EPHB2: variants seen among roughly 807,000 people sequenced by gnomAD.
EPHB2 encodes EPH receptor B2.
In EPHB2, 18 loss-of-function variants were observed where a neutral mutation model predicts 96.4. That is an observed-to-expected ratio of 0.19 (90% CI 0.13 to 0.28). EPHB2 has a LOEUF of 0.28. Among genes scored for constraint, EPHB2 ranks in the 10% least tolerant of loss-of-function variants. The probability of loss-of-function intolerance (pLI) is 1.00; values close to 1 mark genes in which losing one functional copy is unlikely to be tolerated. For synonymous variants in EPHB2, 506 were observed against 534.1 expected (o/e 0.95, Z 0.72); for missense variants, 989 against 1,355.4 (o/e 0.73, Z 4.25).
intron 3 of EPHB2, among the ~76,000 whole-genome samples, chr1:22,811,401 G>C (rs1040836526): frequency 1.3e-5 from 2 of 152,140 alleles, no homozygotes; most frequent in African/African-American, 4.8e-5. Flanking sequence ...CCATACTTAC[G>C]ATGTCCAGGC....
intron 1 of EPHB2, among the ~76,000 whole-genome samples, chr1:22,756,585 C>T (rs1264438877): frequency 2.0e-5 from 3 of 151,740 alleles, no homozygotes; most frequent in Non-Finnish European, 2.9e-5. Context: ...GGGGAAGTGG[C>T]GGGGGCAGCG....
chr1:22,741,516 T>C (rs1444613413), intron 1 of EPHB2, among the ~76,000 whole-genome samples: 1 of 151,968 alleles, frequency 6.6e-6, no homozygotes, highest in African/African-American at 2.4e-5. Flanking sequence ...CACTGCCTGA[T>C]GCATAGAATA....
intron 1 of EPHB2, among the ~76,000 whole-genome samples, chr1:22,743,092 A>G (rs566244612): frequency 5.3e-5 from 8 of 152,056 alleles, no homozygotes; most frequent in African/African-American, 1.7e-4. Flanking sequence ...GAGTCTCACT[A>G]TGTTGCCCAG....
At chr1:22,909,737 A>G (rs995093317) in intron 13 of EPHB2, among the ~76,000 whole-genome samples, 1 of 152,180 alleles carries the variant, frequency 6.6e-6, no homozygotes, top group Non-Finnish European at 1.5e-5. Flanking sequence ...AGGGATCTCC[A>G]TTAGCAAAAA....
chr1:22,851,288 G>A (rs913513795), intron 3 of EPHB2, among the ~76,000 whole-genome samples: 4 of 152,204 alleles, frequency 2.6e-5, no homozygotes, highest in Non-Finnish European at 4.4e-5. Flanking sequence ...GTGAGCCACC[G>A]TGCCCAGGCT....
chr1:22,913,841 G>A lies in EPHB2; in HGVS notation c.*271G>A, dbSNP rs867465635. On this transcript the variant is annotated 3_prime_UTR_variant, in exon 16 of 16. Coordinates refer to ENST00000374630, the MANE Select transcript of EPHB2 (RefSeq NM_017449.5). This position sits in a 1 kb window ranked among gnomAD's most constrained non-coding sequence, Gnocchi z 4.1. ...ATTTTTTAAAGAGGATTCTCATAAG[G>A]AAAGCAATGACTGTTCTTGCGGGGG... 1 of 1,609,948 alleles carries A rather than the reference G, an allele frequency of 6.2e-7. No individual in the cohort carries two copies. Among genetic ancestry groups the A allele is most frequent in the Admixed American group, 1.7e-5 (1 of 59,358 alleles).
chr1:22,809,497 T>C (rs1644974346), intron 3 of EPHB2, among the ~76,000 whole-genome samples: 1 of 152,250 alleles, frequency 6.6e-6, no homozygotes, highest in Non-Finnish European at 1.5e-5. Flanking sequence ...GTATATGTTA[T>C]ATACATACTC....
rs141173528 is a variant in EPHB2 at position 22,895,551 on chromosome 1, T to A, written c.1671T>A (p.Ala557=). Residue 557 remains alanine (A), a synonymous_variant, in exon 8 of 16, where the codon GCT becomes GCA. Transcript: ENST00000374630. ...CCGCTGGCCTGGTCTTCCTCATTGC[T>A]GTGGTTGTCATCGCCATCGTGTGTA... ...SSAAGLVFLI[A]VVVIAIVCNR... is the part of the protein sequence containing the mutation. 6.2e-7 allele frequency: 1 copy of A among 1,614,270 alleles called. No homozygotes were observed. The highest frequency in any genetic ancestry group is 1.1e-5 in the South Asian group (1 of 91,090).
intron 1 of EPHB2, among the ~76,000 whole-genome samples, chr1:22,760,915 C>T (rs1357180484): frequency 6.6e-6 from 1 of 152,122 alleles, no homozygotes; most frequent in Non-Finnish European, 1.5e-5. Flanking sequence ...CCCATTTTTC[C>T]AGATAAGGAA....
intron 12 of EPHB2, 108 bp downstream of exon 12, chr1:22,908,276 T>G (rs1350810658): frequency 7.5e-7 from 1 of 1,328,526 alleles, no homozygotes; most frequent in East Asian, 2.5e-5. Context: ...GGCCAAGCAC[T>G]GTCCTGGGCC....
chr1:22,800,871 T>G (rs1307077790), intron 3 of EPHB2, among the ~76,000 whole-genome samples: 1 of 152,146 alleles, frequency 6.6e-6, no homozygotes, highest in Non-Finnish European at 1.5e-5. Flanking sequence ...CCCTTTGAGG[T>G]CCTATTCATG....
intron 6 of EPHB2, among the ~76,000 whole-genome samples, chr1:22,888,867 G>A (rs943245028): frequency 1.3e-5 from 2 of 152,288 alleles, no homozygotes; most frequent in African/African-American, 4.8e-5. Context: ...ATATGAAGCA[G>A]CTTCCAGCTG....
At chr1:22,903,716 C>T (rs899558241) in intron 9 of EPHB2, among the ~76,000 whole-genome samples, 5 of 152,176 alleles carry the variant, frequency 3.3e-5, no homozygotes, top group Non-Finnish European at 7.3e-5. Context: ...GCACAAAGGG[C>T]TCAGTAAGTG....
intron 1 of EPHB2, among the ~76,000 whole-genome samples, chr1:22,719,254 T>C (rs114185788): frequency 1.8e-3 from 278 of 152,186 alleles, no homozygotes; most frequent in African/African-American, 5.9e-3. Flanking sequence ...GGGGCCCACT[T>C]TAGAGATGAG....
At chr1:22,883,523 G>T (rs1428460895) in intron 6 of EPHB2, among the ~76,000 whole-genome samples, 1 of 152,262 alleles carries the variant, frequency 6.6e-6, no homozygotes, top group Non-Finnish European at 1.5e-5. Context: ...TTCAGACTAG[G>T]TGTCAATGAC....
In EPHB2 at chr1:22,863,023, G is replaced by A; in HGVS notation, c.812-14G>A. On this transcript the variant is annotated splice_polypyrimidine_tract_variant and intron_variant, in intron 3 of 15. Transcript: ENST00000374630. ...ATCCAGTTTCCTGGTGACTCTCCTTGTCTTCTCTCTCAGGTTGTCCATCTG... is the reference window on the plus strand; with the variant it reads ...ATCCAGTTTCCTGGTGACTCTCCTTATCTTCTCTCTCAGGTTGTCCATCTG... The A allele has an allele frequency of 2.5e-6, 4 of 1,614,138 alleles. No individual in the cohort carries two copies. The highest frequency in any genetic ancestry group is 1.1e-5 in the South Asian group (1 of 91,076).
intron 3 of EPHB2, among the ~76,000 whole-genome samples, chr1:22,788,256 G>A (rs1052570849): frequency 2.0e-5 from 3 of 152,186 alleles, no homozygotes; most frequent in African/African-American, 7.2e-5. Context: ...TGCAAGGTGG[G>A]GCAGGGTTAA....
intron 13 of EPHB2, 151 bp from the exon 14 acceptor site, chr1:22,910,231 A>G: frequency 1.0e-6 from 1 of 958,492 alleles, no homozygotes; most frequent in South Asian, 1.4e-5. Flanking sequence ...AGGTCATCCC[A>G]TCCCTGGGGC....
At chr1:22,812,902 G>C (rs767512860) in intron 3 of EPHB2, among the ~76,000 whole-genome samples, 13 of 152,144 alleles carry the variant, frequency 8.5e-5, no homozygotes, top group Non-Finnish European at 1.0e-4. Flanking sequence ...ACAGGTAAAG[G>C]GATGAGTGAA....
Sources: allele counts gnomAD v4.1 joint callset (sites outside exome capture counted in the v4.1 genomes callset), GRCh38; gene constraint gnomAD v4.1.1; non-coding constraint Gnocchi (gnomAD v3.1); transcripts MANE v1.5; gene names NCBI Gene and HGNC (gene_info 2026-07-23, HGNC 2026-07-21).